Variants in IL17RC observed in about 807,000 individuals in gnomAD.
IL17RC encodes the protein interleukin 17 receptor C.
Under a neutral mutation model 86.7 loss-of-function variants are expected in IL17RC, and 53 were observed. That is an observed-to-expected ratio of 0.61 (90% CI 0.49 to 0.77). The LOEUF (loss-of-function observed/expected upper bound fraction) is 0.77. Among genes scored for constraint, IL17RC ranks in the 30% least tolerant of loss-of-function variants. The pLI, the probability that IL17RC is intolerant of heterozygous loss-of-function variation, is 0.00. For missense variants in IL17RC, 957 were observed against 940.0 expected, an observed-to-expected ratio of 1.02 and a Z score of -0.24; for synonymous variants, 439 against 413.1, an observed-to-expected ratio of 1.06 and a Z score of -0.76.
rs1388519183 is a variant in IL17RC at position 9,930,629 on chromosome 3, T to C, written c.1338+170T>C. On this transcript the variant is annotated intron_variant, in intron 15 of 18. Transcript: ENST00000403601. This position sits in a 1 kb window ranked among gnomAD's most constrained non-coding sequence, Gnocchi z 5.8. ...GAGCACACTGTTGGCTAGACACCCA[T>C]AAACAGATAACCACACCTACAGGTG... The C allele has an allele frequency of 2.8e-6, 2 of 718,002 alleles. No homozygotes were observed. Among genetic ancestry groups the C allele is most frequent in the Non-Finnish European group, 4.7e-6 (2 of 424,576 alleles). 44.5% of individuals were successfully genotyped at this position (718,002 alleles called of 1,614,324 possible).
intron 5 of IL17RC, 114 bp from the exon 6 acceptor site, chr3:9,920,376 TC>T (rs2083439832): frequency 1.5e-6 from 1 of 668,524 alleles, no homozygotes. Context: ...ATAAATACAG[TC>T]ATTAGTTGGG....
intron 16 of IL17RC, among the ~76,000 whole-genome samples, chr3:9,931,630 C>T (rs1364262602): frequency 6.6e-5 from 10 of 151,516 alleles, no homozygotes; most frequent in East Asian, 3.9e-4. Context: ...CTCAGCCTCC[C>T]GGGTAGCTGG....
chr3:9,929,961 G>A, intron 13 of IL17RC, 64 bp downstream of exon 13: 2 of 1,613,750 alleles, frequency 1.2e-6, no homozygotes, highest in Non-Finnish European at 1.7e-6. Flanking sequence ...CAGGGCATGG[G>A]AGGCAGGCAA....
Position 9,923,874 on chromosome 3 carries a change from C to G in IL17RC, c.623-7C>G. On this transcript the variant is annotated splice_polypyrimidine_tract_variant and splice_region_variant and intron_variant, in intron 7 of 18. Coordinates refer to ENST00000403601, the MANE Select transcript of IL17RC (RefSeq NM_153460.4). The stretch of plus-strand genomic sequence containing the variant: ...CTAAGCTGCGCTCTCTTTGCCTCTC[C>G]CACCAGCCCTGCCCTGGCTCAACGT... The G allele has an allele frequency of 1.2e-6, 2 of 1,613,738 alleles. No homozygotes were observed.
In IL17RC at chr3:9,929,840, T is replaced by C; in HGVS notation, c.1111-12T>C. On this transcript the variant is annotated splice_polypyrimidine_tract_variant and intron_variant, in intron 12 of 18. Coordinates refer to ENST00000403601, the MANE Select transcript of IL17RC (RefSeq NM_153460.4). ...TTTCTTAGTGGCCCTAACCATGGTC[T>C]CTTCCCAGCAGGTGAACAGCTCGGA... is the stretch of plus-strand genomic sequence containing the variant. 6.2e-7 allele frequency: 1 copy of C among 1,614,128 alleles called. No homozygotes were observed. The highest frequency in any genetic ancestry group is 8.5e-7 in the Non-Finnish European group (1 of 1,179,986).
Position 9,917,571 on chromosome 3 carries a change from AGGGGCAAGAGCT to A in IL17RC, c.106-138_106-127del, listed in dbSNP as rs535660449. On this transcript the variant is annotated intron_variant, in intron 1 of 18. Transcript: ENST00000403601. The stretch of plus-strand genomic sequence containing the variant: ...TGATGGTAGAAGAGAAGAACGGGGA[AGGGGCAAGAGCT>A]GGGTCTGTCTTTCTCTGGGAGGGTC... The A allele has an allele frequency of 2.1e-4, 339 of 1,614,148 alleles. 1 individual carries two copies. The East Asian group carries it at 6.3e-3, about 30-fold the overall frequency.
At position 9,928,649 on chromosome 3, in the gene IL17RC, G is replaced by A. The variant is rs1399293881; in HGVS notation, c.1110+19G>A. ...TGTTCAGGTCAGAAAGGGGTGCATA[G>A]TGCTGGGCTGGAGGCTGGACCTGGG... On this transcript the variant is annotated intron_variant, in intron 12 of 18. Transcript: ENST00000403601. The A allele has an allele frequency of 1.9e-6, 3 of 1,613,340 alleles. No homozygotes were observed. In the African/African-American group the frequency reaches 4.0e-5, roughly 22 times the overall value.
chr3:9,932,660 T>C lies in IL17RC; in HGVS notation c.1440T>C (p.Ala480=), dbSNP rs769678703. ...GGCTGGCCTGCCTACTCTTTGCCGCTGCGCTTTCCCTCATCCTCCTTCTCA... is the reference window on the plus strand; with the variant it reads ...GGCTGGCCTGCCTACTCTTTGCCGCCGCGCTTTCCCTCATCCTCCTTCTCA... ...LVWLACLLFA[A]ALSLILLLKK... Residue 480 remains alanine (A), a synonymous_variant, in exon 17 of 19, where the codon GCT becomes GCC. Coordinates refer to ENST00000403601, the MANE Select transcript of IL17RC (RefSeq NM_153460.4). 9.3e-6 allele frequency: 15 copies of C among 1,614,064 alleles called. No homozygotes were observed. The East Asian group carries it at 3.1e-4, about 34-fold the overall frequency.
At position 9,917,988 on chromosome 3, in the gene IL17RC, C is replaced by T. The variant is rs1209920778; in HGVS notation, c.193C>T (p.His65Tyr). ...PAPGPVLAPT[H>Y]LQTELVLRCQ... ...TCCGGGCCCCGTGCTGGCGCCTACG[C>T]ACCTGCAGACAGAGCTGGTGCTGAG... Residue 65 changes from histidine to tyrosine, a missense_variant, in exon 3 of 19, where the codon CAC becomes TAC. His to Tyr is a moderately conservative substitution (Grantham distance 83). Coordinates refer to ENST00000403601, the MANE Select transcript of IL17RC (RefSeq NM_153460.4). The T allele has an allele frequency of 6.2e-7, 1 of 1,613,920 alleles. No homozygotes were observed. The highest frequency in any genetic ancestry group is 8.5e-7 in the Non-Finnish European group (1 of 1,179,972).
chr3:9,927,312 A>G (rs1453198360), intron 9 of IL17RC, among the ~76,000 whole-genome samples: 2 of 152,176 alleles, frequency 1.3e-5, no homozygotes, highest in African/African-American at 2.4e-5. Context: ...TAATCCCAGC[A>G]CTTTGGGAGG....
In IL17RC at chr3:9,930,283, G is replaced by T. The variant is rs76071659; in HGVS notation, c.1279-117G>T. ...GACTCAGACCAGGGCCATATTCAGC[G>T]GCATCACCAAAGTCTCCCAGTCCCC... is the stretch of plus-strand genomic sequence containing the variant. On this transcript the variant is annotated intron_variant, in intron 14 of 18. Transcript: ENST00000403601. This position sits in a 1 kb window ranked among gnomAD's most constrained non-coding sequence, Gnocchi z 5.8. 2.0e-6 allele frequency: 3 copies of T among 1,522,156 alleles called. No individual in the cohort carries two copies. The South Asian group carries it at 3.5e-5, about 18-fold the overall frequency. 94.3% of individuals were successfully genotyped at this position (1,522,156 alleles called of 1,614,324 possible). A position where few individuals can be genotyped will look rare whatever the true frequency, so the allele number is the denominator to read the frequency against.
chr3:9,923,852 A>G lies in IL17RC; in HGVS notation c.623-29A>G, dbSNP rs762510859. ...GATGCAGAAGAGGTGAGGAAGTCTA[A>G]GCTGCGCTCTCTTTGCCTCTCCCAC... On this transcript the variant is annotated intron_variant, in intron 7 of 18. Transcript: ENST00000403601. The G allele has an allele frequency of 3.7e-6, 6 of 1,612,178 alleles. No homozygotes were observed. The African/African-American group carries it at 8.0e-5, about 22-fold the overall frequency.
chr3:9,927,627 A>G (rs936910053), intron 9 of IL17RC, among the ~76,000 whole-genome samples: 1 of 152,040 alleles, frequency 6.6e-6, no homozygotes, highest in Non-Finnish European at 1.5e-5. Context: ...CTAAGACACA[A>G]TGGTAGGCAC....
rs1258721974 is a variant in IL17RC at position 9,920,576 on chromosome 3, A to G, written c.551A>G (p.Glu184Gly). 7.5e-6 allele frequency: 12 copies of G among 1,607,212 alleles called. No individual in the cohort carries two copies. The highest frequency in any genetic ancestry group is 1.0e-5 in the Non-Finnish European group (12 of 1,176,094). Residue 184 changes from glutamate to glycine, a missense_variant, in exon 6 of 19, where the codon GAA (glutamate) becomes GGA (glycine). Transcript: ENST00000403601. ...WSYTQPRYEK[E>G]LNHTQQLPDC... ...TATACTCAGCCCAGGTACGAGAAGGAACTCAACCACACACAGCAGCTGCCT... is the reference window on the plus strand; with the variant it reads ...TATACTCAGCCCAGGTACGAGAAGGGACTCAACCACACACAGCAGCTGCCT...
rs530336401 is a variant in IL17RC, at chr3:9,921,347, C to A, written c.622+378C>A. On this transcript the variant is annotated intron_variant, in intron 7 of 18. Transcript: ENST00000403601. ...GTGTGCATTTGTGGTCCCAGCTACT[C>A]AGGAGGCTGAGGCAGGAGAATCACT... Among the ~76,000 whole-genome samples the A allele has an allele frequency of 2.0e-4, 31 of 152,088 alleles. 1 individual carries two copies. The South Asian group carries it at 5.8e-3, about 29-fold the overall frequency.
At position 9,917,303 on chromosome 3, in the gene IL17RC, T is replaced by A; in HGVS notation, c.-13T>A. On this transcript the variant is annotated 5_prime_UTR_variant, in exon 1 of 19. Transcript: ENST00000403601. ...CAGGGCCTCAGGCCTGGGTGCCACC[T>A]GGCACCTAGAAGATGCCTGTGCCCT... 1 of 1,606,982 alleles carries A rather than the reference T, an allele frequency of 6.2e-7. No individual in the cohort carries two copies. The highest frequency in any genetic ancestry group is 8.5e-7 in the Non-Finnish European group (1 of 1,175,310).
chr3:9,927,103 AT>A (rs2084156396), intron 9 of IL17RC, among the ~76,000 whole-genome samples: 1 of 152,254 alleles, frequency 6.6e-6, no homozygotes, highest in Non-Finnish European at 1.5e-5. Context: ...TAAAGGCTTG[AT>A]GGATAAATTA....
intron 5 of IL17RC, 32 bp from the exon 6 acceptor site, chr3:9,920,459 A>AC: frequency 7.1e-7 from 1 of 1,401,936 alleles, no homozygotes; most frequent in East Asian, 2.4e-5. Flanking sequence ...TGAGCCCTGC[A>AC]CCGCCAGCCT....
intron 2 of IL17RC, 59 bp from the exon 3 acceptor site, chr3:9,917,864 G>A (rs780448481): frequency 8.1e-6 from 13 of 1,611,322 alleles, no homozygotes; most frequent in Admixed American, 1.7e-5. Flanking sequence ...GGTATGTCAG[G>A]TGCCACCAAA....
Sources: gnomAD v4.1 joint callset for allele counts (sites outside exome capture counted in the v4.1 genomes callset) on GRCh38, gnomAD v4.1.1 for gene constraint, Gnocchi (gnomAD v3.1) non-coding constraint, MANE v1.5 for transcripts, NCBI Gene and HGNC (gene_info 2026-07-23, HGNC 2026-07-21) for gene names.